Variants in PALM2AKAP2 observed in about 807,000 individuals in gnomAD.
The protein encoded by PALM2AKAP2 is PALM2-AKAP2 fusion protein.
A neutral mutation model predicts 71.5 loss-of-function variants in PALM2AKAP2; 37 were observed. That is an observed-to-expected ratio of 0.52 (90% CI 0.40 to 0.68). The LOEUF (loss-of-function observed/expected upper bound fraction) is 0.68. Ranked by LOEUF, PALM2AKAP2 falls within the 30% of genes least tolerant of loss-of-function variation. PALM2AKAP2 has a pLI of 0.00. For missense variants in PALM2AKAP2, 1,224 were observed against 1,191.8 expected, an observed-to-expected ratio of 1.03 and a Z score of -0.40; for synonymous variants, 468 against 478.8, an observed-to-expected ratio of 0.98 and a Z score of 0.29.
intron 6 of PALM2AKAP2, among the ~76,000 whole-genome samples, chr9:109,961,305 G>A (rs540004856): frequency 9.5e-4 from 144 of 152,312 alleles, no homozygotes; most frequent in Middle Eastern, 3.4e-3. Flanking sequence ...TCTAGGAACC[G>A]GTAATGAAGA....
intron 1 of PALM2AKAP2, among the ~76,000 whole-genome samples, chr9:110,118,428 A>C (rs960501782): frequency 5.9e-5 from 9 of 151,904 alleles, no homozygotes; most frequent in African/African-American, 2.2e-4. Flanking sequence ...TTGTATTTTT[A>C]GTAGAGACAG....
At chr9:109,706,203 GT>G (rs1009735859) in intron 1 of PALM2AKAP2, among the ~76,000 whole-genome samples, 2 of 152,156 alleles carry the variant, frequency 1.3e-5, no homozygotes, top group African/African-American at 2.4e-5. Flanking sequence ...CTGTATTGCA[GT>G]TTTTTAGAAA....
chr9:109,710,332 C>T (rs912856161), intron 1 of PALM2AKAP2, among the ~76,000 whole-genome samples: 1 of 152,258 alleles, frequency 6.6e-6, no homozygotes, highest in Non-Finnish European at 1.5e-5. Flanking sequence ...ACTTTCAGCC[C>T]TTCCTGCCCA....
chr9:109,715,974 C>T (rs1828313930), intron 1 of PALM2AKAP2, among the ~76,000 whole-genome samples: 1 of 152,156 alleles, frequency 6.6e-6, no homozygotes, highest in African/African-American at 2.4e-5. Context: ...GCCAGATTGA[C>T]TGGAACTGGT....
intron 1 of PALM2AKAP2, among the ~76,000 whole-genome samples, chr9:110,110,557 TTTTTTTTTTG>T: frequency 6.8e-6 from 1 of 146,474 alleles, no homozygotes. Context: ...TTTTTTTTTT[TTTTTTTTTTG>T]AGATGGAGTC....
intron 7 of PALM2AKAP2, among the ~76,000 whole-genome samples, chr9:110,017,981 C>T (rs1392683544): frequency 2.0e-5 from 3 of 152,154 alleles, no homozygotes; most frequent in Non-Finnish European, 4.4e-5. Context: ...CTGCCTCAGC[C>T]TCCCAAAGTG....
intron 1 of PALM2AKAP2, among the ~76,000 whole-genome samples, chr9:109,834,212 CAAACA>C (rs767305862): frequency 1.1e-4 from 16 of 152,122 alleles, no homozygotes; most frequent in African/African-American, 2.7e-4. Context: ...GACTCCATTT[CAAACA>C]AAACAAAACA....
intron 1 of PALM2AKAP2, among the ~76,000 whole-genome samples, chr9:109,687,595 A>C (rs771405186): frequency 2.6e-5 from 4 of 152,238 alleles, no homozygotes; most frequent in African/African-American, 4.8e-5. Context: ...GATCTGGATT[A>C]GGCTTTGGCT....
chr9:110,017,520 C>T (rs552761382), intron 7 of PALM2AKAP2, among the ~76,000 whole-genome samples: 8 of 152,168 alleles, frequency 5.3e-5, no homozygotes, highest in Admixed American at 2.6e-4. Flanking sequence ...CCACATTGGA[C>T]GAAGGGGAAT....
intron 3 of PALM2AKAP2, among the ~76,000 whole-genome samples, chr9:109,911,977 T>G (rs1830579413): frequency 6.6e-6 from 1 of 152,112 alleles, no homozygotes; most frequent in African/African-American, 2.4e-5. Context: ...GTTGGGGGGC[T>G]GGGGGAATTA....
intron 1 of PALM2AKAP2, among the ~76,000 whole-genome samples, chr9:109,861,440 A>G (rs1829306532): frequency 6.6e-6 from 1 of 152,206 alleles, no homozygotes; most frequent in South Asian, 2.1e-4. Flanking sequence ...TGTTACGAAC[A>G]TGTTATGATT....
rs572911226 is a variant in PALM2AKAP2, at chr9:110,100,587, A to G, written c.157-35540A>G. On this transcript the variant is annotated intron_variant, in intron 1 of 3. Coordinates refer to ENST00000374525, the Ensembl canonical transcript of PALM2AKAP2. ...GTCCTCTGCTATGTCCCAGATGGAA[A>G]GCTCCTTGTATCTAAGAAAGGCAGG... is the stretch of plus-strand genomic sequence containing the variant. Among the ~76,000 whole-genome samples the G allele has an allele frequency of 7.2e-5, 11 of 152,234 alleles. No homozygotes were observed. The East Asian group carries it at 1.7e-3, about 24-fold the overall frequency.
At chr9:110,022,570 A>G (rs59316185) in intron 7 of PALM2AKAP2, among the ~76,000 whole-genome samples, 1 of 143,834 alleles carries the variant, frequency 7.0e-6, no homozygotes, top group Non-Finnish European at 1.5e-5. Flanking sequence ...CTTTATTTTT[A>G]TTTTATTTTA....
At chr9:109,654,670 T>A (rs1379168156) in intron 1 of PALM2AKAP2, among the ~76,000 whole-genome samples, 2 of 152,040 alleles carry the variant, frequency 1.3e-5, no homozygotes, top group Non-Finnish European at 2.9e-5. Context: ...GGATGGTGTG[T>A]CTATGACTTC....
exon 2 of PALM2AKAP2, chr9:110,138,160 A>G (rs771568417): frequency 1.2e-6 from 2 of 1,613,994 alleles, no homozygotes; most frequent in South Asian, 1.1e-5. Context: ...ATGTATTACC[A>G]AAGATTCTGC....
chr9:110,032,337 T>C (rs1833293912), intron 7 of PALM2AKAP2, among the ~76,000 whole-genome samples: 1 of 152,056 alleles, frequency 6.6e-6, no homozygotes, highest in Non-Finnish European at 1.5e-5. Flanking sequence ...GGCAGGAGGA[T>C]TGCTTGAACT....
intron 1 of PALM2AKAP2, among the ~76,000 whole-genome samples, chr9:109,841,888 AGAG>A (rs1362356660): frequency 2.0e-5 from 2 of 102,520 alleles, no homozygotes; most frequent in African/African-American, 3.9e-5. Flanking sequence ...GTAGAGAGAT[AGAG>A]GAGAAGTTGG....
intron 1 of PALM2AKAP2, among the ~76,000 whole-genome samples, chr9:110,109,384 A>C (rs1378394390): frequency 6.6e-6 from 1 of 151,580 alleles, no homozygotes; most frequent in East Asian, 1.9e-4. Context: ...AAACTTCAGA[A>C]GCCTTCTGAG....
intron 1 of PALM2AKAP2, among the ~76,000 whole-genome samples, chr9:110,121,385 A>G (rs1835483193): frequency 6.6e-6 from 1 of 152,216 alleles, no homozygotes; most frequent in Admixed American, 6.5e-5. Flanking sequence ...GCATGTGAGG[A>G]GGAAGGGCGG....
Sources: allele counts gnomAD v4.1 joint callset (sites outside exome capture counted in the v4.1 genomes callset), GRCh38; gene constraint gnomAD v4.1.1; transcripts MANE v1.5; gene names NCBI Gene and HGNC (gene_info 2026-07-23, HGNC 2026-07-21).